CPNE3: variants seen among roughly 807,000 people sequenced by gnomAD.
The protein encoded by CPNE3 is copine 3.
Under a neutral mutation model 63.9 loss-of-function variants are expected in CPNE3, and 68 were observed. The observed-to-expected ratio is 1.06, with a 90% CI of 0.87 to 1.30. CPNE3 has a LOEUF of 1.30. CPNE3 is among the 50% of genes most tolerant of loss of function. CPNE3 has a pLI of 0.00. For synonymous variants in CPNE3, 219 were observed against 197.5 expected (o/e 1.11, Z -0.91); for missense variants, 665 against 578.1 (o/e 1.15, Z -1.54).
chr8:86,532,536 AG>A lies in CPNE3; in HGVS notation c.416del (p.Arg139LysfsTer37). On this transcript the variant is annotated frameshift_variant, in exon 6 of 17. Transcript: ENST00000517490. LOFTEE classifies it high-confidence loss of function. ...TTCAGCTGAAGAAATAAAAGATAAT[AG>A]AGTGGTCTTGTTTGAAATGGAAGCC... ...TISAEEIKDN[R>X]VVLFEMEARK... The A allele has an allele frequency of 6.2e-7, 1 of 1,613,022 alleles. No individual in the cohort carries two copies. The highest frequency in any genetic ancestry group is 8.5e-7 in the Non-Finnish European group (1 of 1,179,512).
Position 86,536,294 on chromosome 8 carries a change from A to G in CPNE3, c.460-1269A>G, listed in dbSNP as rs1400123452. Among the ~76,000 whole-genome samples, 5 of 146,404 alleles carry G rather than the reference A, an allele frequency of 3.4e-5. No homozygotes were observed. In the East Asian group the frequency reaches 7.9e-4, roughly 23 times the overall value. On this transcript the variant is annotated intron_variant, in intron 6 of 16. Coordinates refer to ENST00000517490, the MANE Select transcript of CPNE3 (RefSeq NM_003909.5). Reference sequence around the variant, plus strand: ...CCCCACCCCCAGCCCTTGCATAAACATAGCATACTAGATGTACACTTTCCT... The same window carrying G: ...CCCCACCCCCAGCCCTTGCATAAACGTAGCATACTAGATGTACACTTTCCT...
chr8:86,540,138 G>A (rs938534468), intron 7 of CPNE3, 107 bp from the exon 8 acceptor site: 8 of 707,260 alleles, frequency 1.1e-5, no homozygotes, highest in Non-Finnish European at 2.1e-5. Context: ...TGATGAAGAG[G>A]TGGAGGACGA....
Position 86,558,330 on chromosome 8 carries a change from C to A in CPNE3, c.1534C>A (p.Pro512Thr). 1.1e-6 allele frequency: 1 copy of A among 872,920 alleles called. No homozygotes were observed. The highest frequency in any genetic ancestry group is 1.7e-5 in the Admixed American group (1 of 59,190). 54.1% of individuals were successfully genotyped at this position (872,920 alleles called of 1,614,324 possible). ...TGCTCAGTGTGTCTTGGCAGAGATT[C>A]CCCAGCAGGTGGTGGGCTACTTCAA... is the stretch of plus-strand genomic sequence containing the variant. Reference protein sequence around the residue: ...ALAQCVLAEIPQQVVGYFNTY... With the variant: ...ALAQCVLAEITQQVVGYFNTY... The change falls in exon 17 of 17, where the codon CCC becomes ACC. Residue 512 changes from proline (P) to threonine (T), a missense_variant. Transcript: ENST00000517490.
chr8:86,532,362 T>C (rs1323372063), intron 5 of CPNE3, 147 bp from the exon 6 acceptor site: 6 of 537,148 alleles, frequency 1.1e-5, no homozygotes, highest in Non-Finnish European at 1.9e-5. Context: ...GTAGATCTTT[T>C]TTAATGATGC....
chr8:86,557,755 TACACAC>T (rs545682862), intron 16 of CPNE3, among the ~76,000 whole-genome samples: 2 of 148,930 alleles, frequency 1.3e-5, no homozygotes, highest in East Asian at 3.9e-4. Flanking sequence ...CACACACACA[TACACAC>T]ACACACACAC....
At chr8:86,534,990 T>A (rs1820772860) in intron 6 of CPNE3, among the ~76,000 whole-genome samples, 2 of 152,194 alleles carry the variant, frequency 1.3e-5, no homozygotes, top group African/African-American at 4.8e-5. Flanking sequence ...GATACTTAAG[T>A]TATTCCAATT....
chr8:86,551,006 G>T, intron 12 of CPNE3, 40 bp from the exon 13 acceptor site: 1 of 1,504,222 alleles, frequency 6.6e-7, no homozygotes, highest in South Asian at 1.3e-5. Flanking sequence ...TTTTTATTTT[G>T]GAAAAAACAG....
rs1000502621 is a variant in CPNE3, at chr8:86,529,245, A to T, written c.312+121A>T. ...AAAAACATGTAATCACTTTAAAGAC[A>T]GTTTATATATTAATATGATTGGCTT... On this transcript the variant is annotated intron_variant, in intron 4 of 16. Transcript: ENST00000517490. The T allele has an allele frequency of 9.4e-6, 7 of 747,856 alleles. No individual in the cohort carries two copies. The African/African-American group carries it at 1.2e-4, about 13-fold the overall frequency. 46.3% of individuals were successfully genotyped at this position (747,856 alleles called of 1,614,324 possible). A position where few individuals can be genotyped will look rare whatever the true frequency, so the allele number is the denominator to read the frequency against.
At chr8:86,553,123 C>T (rs1254765640) in intron 14 of CPNE3, among the ~76,000 whole-genome samples, 2 of 151,632 alleles carry the variant, frequency 1.3e-5, no homozygotes, top group African/African-American at 2.4e-5. Flanking sequence ...CTCTGCCTCC[C>T]GAAGTGCTGA....
chr8:86,532,373 C>T, intron 5 of CPNE3, 136 bp from the exon 6 acceptor site: 1 of 566,018 alleles, frequency 1.8e-6, no homozygotes, highest in Non-Finnish European at 3.0e-6. Flanking sequence ...TTAATGATGC[C>T]ATTTTCTTAT....
chr8:86,538,855 C>A (rs1476085480), intron 7 of CPNE3, among the ~76,000 whole-genome samples: 1 of 152,178 alleles, frequency 6.6e-6, no homozygotes, highest in African/African-American at 2.4e-5. Context: ...CGCCAGATCT[C>A]ACCATGATAA....
intron 4 of CPNE3, 45 bp downstream of exon 4, chr8:86,529,169 T>C (rs1452799710): frequency 2.0e-6 from 3 of 1,515,016 alleles, no homozygotes; most frequent in Admixed American, 2.0e-5. Context: ...TAAATTTTAA[T>C]CAATGAATTT....
At chr8:86,551,404 C>G in intron 14 of CPNE3, 170 bp downstream of exon 14, 1 of 598,938 alleles carries the variant, frequency 1.7e-6, no homozygotes. Flanking sequence ...AGAAGAATTG[C>G]ACCAGGTTGG....
chr8:86,538,712 A>G (rs959243040), intron 7 of CPNE3, among the ~76,000 whole-genome samples: 3 of 152,098 alleles, frequency 2.0e-5, no homozygotes, highest in African/African-American at 4.8e-5. Flanking sequence ...TTTCCTCACA[A>G]CTAGATCCAG....
intron 6 of CPNE3, among the ~76,000 whole-genome samples, chr8:86,535,319 A>G (rs1022773282): frequency 7.5e-6 from 1 of 132,872 alleles, no homozygotes; most frequent in African/African-American, 2.5e-5. Context: ...TACAGAAAAG[A>G]CTTTTTTTTT....
intron 15 of CPNE3, 120 bp downstream of exon 15, chr8:86,555,104 C>A: frequency 2.2e-6 from 3 of 1,389,764 alleles, no homozygotes; most frequent in South Asian, 1.5e-5. Flanking sequence ...ATAACACAGT[C>A]ATTCTTGGTT....
At position 86,559,468 on chromosome 8, in the gene CPNE3, C is replaced by A. The variant is rs979452163; in HGVS notation, c.*1058C>A. On this transcript the variant is annotated 3_prime_UTR_variant, in exon 17 of 17. Coordinates refer to ENST00000517490, the MANE Select transcript of CPNE3 (RefSeq NM_003909.5). ...CATTTTCATCTGATTTTTAAACTCACGATACCAGTTATCTGTTAATCAAAA... is the reference window on the plus strand; with the variant it reads ...CATTTTCATCTGATTTTTAAACTCAAGATACCAGTTATCTGTTAATCAAAA... The A allele has an allele frequency of 6.6e-6, 1 of 152,018 alleles. No homozygotes were observed. Among genetic ancestry groups the A allele is most frequent in the Non-Finnish European group, 1.5e-5 (1 of 68,006 alleles). 9.4% of individuals were successfully genotyped at this position (152,018 alleles called of 1,614,324 possible).
At chr8:86,545,660 C>T (rs1018997622) in intron 9 of CPNE3, among the ~76,000 whole-genome samples, 10 of 152,108 alleles carry the variant, frequency 6.6e-5, no homozygotes, top group East Asian at 1.9e-4. Flanking sequence ...TATTATACCA[C>T]GTGTATTTTT....
At chr8:86,536,825 T>C (rs16915375) in intron 6 of CPNE3, among the ~76,000 whole-genome samples, 36,196 of 152,092 alleles carry the variant, frequency 0.24, 4,472 homozygotes, top group Non-Finnish European at 0.27. Flanking sequence ...CGTACATTTT[T>C]CCTGAATTTT....
Sources: allele counts gnomAD v4.1 joint callset (sites outside exome capture counted in the v4.1 genomes callset), GRCh38; gene constraint gnomAD v4.1.1; transcripts MANE v1.5; gene names NCBI Gene and HGNC (gene_info 2026-07-23, HGNC 2026-07-21).